Variants in HERC4 observed in about 807,000 individuals in gnomAD.
HERC4 encodes the protein probable E3 ubiquitin-protein ligase HERC4.
HERC4 carries 28 observed loss-of-function variants against 124.3 expected under a neutral mutation model. That is an observed-to-expected ratio of 0.23 (90% CI 0.17 to 0.31). The LOEUF is 0.31. HERC4 is among the 10% of genes least tolerant of loss of function. HERC4 has a pLI of 1.00. For missense variants in HERC4, 713 were observed against 1,229.3 expected (o/e 0.58, Z 6.28); for synonymous variants, 407 against 421.5 (o/e 0.97, Z 0.42).
intron 9 of HERC4, among the ~76,000 whole-genome samples, chr10:68,013,582 A>G (rs2038093971): frequency 6.6e-6 from 1 of 152,234 alleles, no homozygotes; most frequent in South Asian, 2.1e-4. Context: ...GGCACTAGGA[A>G]GAGGAGGGAA....
At chr10:68,010,349 G>A (rs2037870134) in intron 9 of HERC4, 1 of 941,902 alleles carries the variant, frequency 1.1e-6, no homozygotes, top group East Asian at 2.7e-5. Flanking sequence ...GGGGCCCTGA[G>A]GCCATAGGAA....
rs1330590577 is a variant in HERC4 at position 68,043,689 on chromosome 10, G to A, written c.386+715C>T. On this transcript the variant is annotated intron_variant, in intron 4 of 24. Transcript: ENST00000373700. ...AAATTAGCCAGCTGTGGTGGTGGGCGCCTGTAATCCCAGCTACTCAGGAGG... is the reference window on the plus strand; with the variant it reads ...AAATTAGCCAGCTGTGGTGGTGGGCACCTGTAATCCCAGCTACTCAGGAGG... Among the ~76,000 whole-genome samples, 5 of 152,006 alleles carry A rather than the reference G, an allele frequency of 3.3e-5. No homozygotes were observed. In the South Asian group the frequency reaches 6.2e-4, roughly 19 times the overall value.
At chr10:68,074,102 T>G (rs1263904804) in intron 1 of HERC4, 1 of 152,196 alleles carries the variant, frequency 6.6e-6, no homozygotes, top group African/African-American at 2.4e-5. Context: ...GAATGGATAG[T>G]CTGATGGCGA....
At chr10:68,044,339 C>A in intron 4 of HERC4, 65 bp downstream of exon 4, 5 of 1,490,426 alleles carry the variant, frequency 3.4e-6, no homozygotes, top group Admixed American at 2.1e-5. Context: ...ATAAGCAGAA[C>A]AATTTAGATT....
Position 68,042,808 on chromosome 10 carries a change from AC to A in HERC4, c.386+1595del, listed in dbSNP as rs556761960. On this transcript the variant is annotated intron_variant, in intron 4 of 24. Coordinates refer to ENST00000373700, the MANE Select transcript of HERC4 (RefSeq NM_015601.4). ...TTGGCACTCTTCCTTTTATAAAAAA[AC>A]ATTTCCACTGAAATACTAAATGGCC... is the stretch of plus-strand genomic sequence containing the variant. Among the ~76,000 whole-genome samples, 16 of 152,348 alleles carry A rather than the reference AC, an allele frequency of 1.1e-4. No homozygotes were observed. The South Asian group carries it at 2.9e-3, about 28-fold the overall frequency.
At chr10:68,027,260 A>G (rs1383113798) in intron 7 of HERC4, among the ~76,000 whole-genome samples, 1 of 152,210 alleles carries the variant, frequency 6.6e-6, no homozygotes, top group African/African-American at 2.4e-5. Context: ...GCAAATACAC[A>G]AGGTAAAGAG....
chr10:67,961,191 T>C (rs2034495045), intron 16 of HERC4: 1 of 160,652 alleles, frequency 6.2e-6, no homozygotes, highest in African/African-American at 2.4e-5. Flanking sequence ...TTAGGTCGTT[T>C]AGCGCCTCAA....
chr10:67,970,459 G>T (rs1262256942), intron 15 of HERC4, among the ~76,000 whole-genome samples: 2 of 152,138 alleles, frequency 1.3e-5, no homozygotes, highest in Non-Finnish European at 2.9e-5. Flanking sequence ...GGCCGTGGTG[G>T]CACATGCCTG....
Position 67,940,964 on chromosome 10 carries a change from T to G in HERC4, c.2479A>C (p.Lys827Gln), listed in dbSNP as rs200511187. 5.0e-6 allele frequency: 8 copies of G among 1,611,928 alleles called. No homozygotes were observed. Among genetic ancestry groups the G allele is most frequent in the Non-Finnish European group, 6.8e-6 (8 of 1,179,440 alleles). The change falls in exon 20 of 25, where the codon AAA becomes CAA. Residue 827 changes from lysine (K) to glutamine (Q), a missense_variant. Physicochemically the swap from Lys to Gln is moderately conservative, Grantham distance 53. Transcript: ENST00000373700. ...CTCCCAACATCAGGCATTAGTTCTT[T>G]CAAATCATCCAAGGATGGCTTCTTT... ...LKKKPSLDDLKELMPDVGRSM... is the reference protein window; with the variant it reads ...LKKKPSLDDLQELMPDVGRSM...
chr10:67,924,521 T>C (rs80271165), intron 24 of HERC4, among the ~76,000 whole-genome samples: 4 of 152,274 alleles, frequency 2.6e-5, no homozygotes, highest in African/African-American at 7.2e-5. Flanking sequence ...TATCTAAACA[T>C]AGAAAAGGTA....
At chr10:67,953,107 A>G (rs959743482) in intron 19 of HERC4, among the ~76,000 whole-genome samples, 13 of 152,094 alleles carry the variant, frequency 8.5e-5, no homozygotes, top group South Asian at 2.1e-4. Context: ...AAGATCACCC[A>G]TAGGAAGAGG....
At chr10:68,073,213 G>A in intron 2 of HERC4, 27 bp from the exon 3 acceptor site, 3 of 777,658 alleles carry the variant, frequency 3.9e-6, no homozygotes, top group Admixed American at 2.8e-5. Context: ...AAGTTAATAT[G>A]ACTTCAAAGA....
intron 14 of HERC4, among the ~76,000 whole-genome samples, chr10:67,989,870 T>C (rs1461183270): frequency 6.6e-6 from 1 of 151,890 alleles, no homozygotes; most frequent in East Asian, 1.9e-4. Context: ...AGCCCATGTT[T>C]GTTCAGTTTT....
chr10:68,004,433 C>T (rs1473242769), intron 9 of HERC4, among the ~76,000 whole-genome samples: 2 of 152,134 alleles, frequency 1.3e-5, no homozygotes, highest in African/African-American at 2.4e-5. Flanking sequence ...GCTTTGGTTG[C>T]CTGTGCTTGT....
chr10:68,005,575 A>C (rs957352711), intron 9 of HERC4, among the ~76,000 whole-genome samples: 4 of 151,074 alleles, frequency 2.6e-5, no homozygotes, highest in Admixed American at 1.3e-4. Context: ...ACATTTTAAA[A>C]TTTGCTTTCT....
chr10:67,930,555 C>A (rs1005403176), intron 23 of HERC4, among the ~76,000 whole-genome samples: 2 of 152,182 alleles, frequency 1.3e-5, no homozygotes, highest in Non-Finnish European at 2.9e-5. Flanking sequence ...GTTCCTGATG[C>A]TTTGCACCTA....
intron 9 of HERC4, among the ~76,000 whole-genome samples, chr10:68,005,877 T>C (rs2037515223): frequency 1.3e-5 from 2 of 152,068 alleles, no homozygotes; most frequent in Non-Finnish European, 2.9e-5. Flanking sequence ...AATTTTTATT[T>C]TTTATATAAA....
intron 3 of HERC4, among the ~76,000 whole-genome samples, chr10:68,056,057 T>C (rs1368832419): frequency 6.6e-6 from 1 of 152,196 alleles, no homozygotes; most frequent in East Asian, 1.9e-4. Flanking sequence ...CCTTTTCTTT[T>C]AAAGAAGTAC....
intron 21 of HERC4, 49 bp downstream of exon 21, chr10:67,939,539 A>G: frequency 7.8e-7 from 1 of 1,279,534 alleles, no homozygotes; most frequent in Non-Finnish European, 1.1e-6. Context: ...CGGCTGTTAA[A>G]TAAAAGAGAT....
Sources: allele counts gnomAD v4.1 joint callset (sites outside exome capture counted in the v4.1 genomes callset), GRCh38; gene constraint gnomAD v4.1.1; transcripts MANE v1.5; gene names NCBI Gene and HGNC (gene_info 2026-07-23, HGNC 2026-07-21).